TBC1D22A: variants seen among roughly 807,000 people sequenced by gnomAD.
TBC1D22A encodes putative GTPase activator.
TBC1D22A carries 38 observed loss-of-function variants against 60.2 expected under a neutral mutation model. That is an observed-to-expected ratio of 0.63 (90% CI 0.49 to 0.83). The LOEUF (loss-of-function observed/expected upper bound fraction) is 0.83, where lower values mean the gene tolerates loss of function less well. Among genes scored for constraint, TBC1D22A ranks in the 40% least tolerant of loss-of-function variants. TBC1D22A has a pLI of 0.00. For missense variants in TBC1D22A, 628 were observed against 701.0 expected (o/e 0.90, Z 1.18); for synonymous variants, 302 against 281.7 (o/e 1.07, Z -0.72).
chr22:46,766,318 A>G (rs1244020013), intron 1 of TBC1D22A, among the ~76,000 whole-genome samples: 1 of 151,178 alleles, frequency 6.6e-6, no homozygotes, highest in African/African-American at 2.4e-5. Context: ...TTTAGTAGAG[A>G]TGGGGTTTCA....
chr22:47,132,716 G>A (rs1481149813), intron 12 of TBC1D22A, among the ~76,000 whole-genome samples: 1 of 152,216 alleles, frequency 6.6e-6, no homozygotes, highest in Non-Finnish European at 1.5e-5. Context: ...CCCGGGGGAG[G>A]CTGTGATGGC....
intron 5 of TBC1D22A, among the ~76,000 whole-genome samples, chr22:46,890,301 G>T (rs965291145): frequency 6.6e-6 from 1 of 152,130 alleles, no homozygotes; most frequent in African/African-American, 2.4e-5. Context: ...TCATGCCACT[G>T]CACTCCAGCC....
chr22:46,795,566 G>A (rs977759862), intron 3 of TBC1D22A, among the ~76,000 whole-genome samples: 1 of 152,240 alleles, frequency 6.6e-6, no homozygotes, highest in Non-Finnish European at 1.5e-5. Flanking sequence ...TCATTGCCTT[G>A]TGCTCCCACT....
At chr22:46,913,754 C>T in intron 8 of TBC1D22A, 1 of 985,324 alleles carries the variant, frequency 1.0e-6, no homozygotes, top group Non-Finnish European at 1.2e-6. Flanking sequence ...GTTAAATAGA[C>T]CATTTAATTA....
chr22:46,812,505 G>A (rs759489823), intron 4 of TBC1D22A, among the ~76,000 whole-genome samples: 8 of 152,166 alleles, frequency 5.3e-5, no homozygotes, highest in Non-Finnish European at 1.0e-4. Context: ...GGGCTGCCTG[G>A]CCTCACAGCC....
At chr22:47,033,128 A>G (rs2062536454) in intron 10 of TBC1D22A, among the ~76,000 whole-genome samples, 1 of 152,176 alleles carries the variant, frequency 6.6e-6, no homozygotes, top group African/African-American at 2.4e-5. Context: ...CTTGAATTCC[A>G]CGTGTCAGTG....
intron 10 of TBC1D22A, among the ~76,000 whole-genome samples, chr22:47,013,111 T>A (rs1000999851): frequency 6.6e-6 from 1 of 152,250 alleles, no homozygotes; most frequent in African/African-American, 2.4e-5. Flanking sequence ...TGCTGGGCAC[T>A]GCCTCTTCCA....
intron 8 of TBC1D22A, among the ~76,000 whole-genome samples, chr22:46,942,862 A>G (rs1386531626): frequency 6.6e-6 from 1 of 152,234 alleles, no homozygotes; most frequent in Admixed American, 6.5e-5. Context: ...GGAGGAAAAG[A>G]TGAAGTATCT....
intron 11 of TBC1D22A, among the ~76,000 whole-genome samples, chr22:47,079,505 G>A (rs951680696): frequency 1.3e-5 from 2 of 152,172 alleles, no homozygotes; most frequent in African/African-American, 4.8e-5. Context: ...AATAGCACAG[G>A]GAAGGGGTAA....
At chr22:46,880,803 C>G (rs1352586353) in intron 5 of TBC1D22A, among the ~76,000 whole-genome samples, 1 of 152,120 alleles carries the variant, frequency 6.6e-6, no homozygotes, top group Non-Finnish European at 1.5e-5. Flanking sequence ...TGGAGACTTG[C>G]AGTCACAAGG....
chr22:46,935,863 T>C (rs989805669), intron 8 of TBC1D22A, among the ~76,000 whole-genome samples: 2 of 151,628 alleles, frequency 1.3e-5, no homozygotes, highest in African/African-American at 4.9e-5. Context: ...ACCCCGTGTC[T>C]CTGTAGCCTT....
At chr22:46,907,042 T>A (rs1365545659) in intron 7 of TBC1D22A, among the ~76,000 whole-genome samples, 1 of 151,814 alleles carries the variant, frequency 6.6e-6, no homozygotes, top group African/African-American at 2.4e-5. Flanking sequence ...TGTGTACTCT[T>A]CTGTGTGCAT....
chr22:46,768,437 G>A (rs965183758), intron 1 of TBC1D22A, among the ~76,000 whole-genome samples: 21 of 144,314 alleles, frequency 1.5e-4, no homozygotes, highest in East Asian at 4.1e-4. Context: ...GTGAGCCAAG[G>A]TCGCGCCACC....
intron 1 of TBC1D22A, among the ~76,000 whole-genome samples, chr22:46,768,465 A>G (rs1259739941): frequency 1.4e-5 from 2 of 142,946 alleles, no homozygotes; most frequent in Non-Finnish European, 1.5e-5. Context: ...AGCCTGGGCA[A>G]CAGAGCGAGA....
chr22:46,912,204 A>C lies in TBC1D22A; in HGVS notation c.1015+16A>C. ...GAATACATAGGTAAGATTTCTTGCA[A>C]ACATTAAACGTGAACTTTAGTGGAC... is the stretch of plus-strand genomic sequence containing the variant. On this transcript the variant is annotated intron_variant, in intron 8 of 12. Transcript: ENST00000337137. 1 of 1,587,252 alleles carries C rather than the reference A, an allele frequency of 6.3e-7. No individual in the cohort carries two copies. Among genetic ancestry groups the C allele is most frequent in the African/African-American group, 1.3e-5 (1 of 74,526 alleles).
At chr22:46,842,033 A>G (rs2086794186) in intron 4 of TBC1D22A, among the ~76,000 whole-genome samples, 1 of 152,216 alleles carries the variant, frequency 6.6e-6, no homozygotes, top group African/African-American at 2.4e-5. Context: ...TGGTATCCCT[A>G]ATAATAACAT....
chr22:46,863,850 C>G (rs559785258), intron 4 of TBC1D22A, among the ~76,000 whole-genome samples: 1 of 152,312 alleles, frequency 6.6e-6, no homozygotes, highest in Admixed American at 6.5e-5. Context: ...AAGAATGCCT[C>G]CCTCCATTCT....
At chr22:47,022,699 C>G (rs1346678717) in intron 10 of TBC1D22A, among the ~76,000 whole-genome samples, 2 of 152,230 alleles carry the variant, frequency 1.3e-5, no homozygotes, top group African/African-American at 4.8e-5. Context: ...GCCTCAGAGC[C>G]CTTACAGGGT....
intron 9 of TBC1D22A, among the ~76,000 whole-genome samples, chr22:46,979,709 G>C (rs1434782028): frequency 2.6e-5 from 4 of 152,184 alleles, no homozygotes; most frequent in Non-Finnish European, 5.9e-5. Context: ...GTTGAGTGTG[G>C]TGAGGGCACT....
Sources: gnomAD v4.1 joint callset for allele counts (sites outside exome capture counted in the v4.1 genomes callset) on GRCh38, gnomAD v4.1.1 for gene constraint, MANE v1.5 for transcripts, NCBI Gene and HGNC (gene_info 2026-07-23, HGNC 2026-07-21) for gene names.